ZNF366: variants seen among roughly 807,000 people sequenced by gnomAD.
The protein encoded by ZNF366 is zinc finger protein 366, also known as dendritic cell-specific transcript protein.
A neutral mutation model predicts 47.2 loss-of-function variants in ZNF366; 20 were observed. The observed-to-expected ratio is 0.42, with a 90% CI of 0.30 to 0.62. The LOEUF (loss-of-function observed/expected upper bound fraction) is 0.62. Among genes scored for constraint, ZNF366 ranks in the 20% least tolerant of loss-of-function variants. The pLI, the probability that ZNF366 is intolerant of heterozygous loss-of-function variation, is 0.16. For missense variants in ZNF366, 987 were observed against 976.3 expected, an observed-to-expected ratio of 1.01 and a Z score of -0.15; for synonymous variants, 421 against 395.1, an observed-to-expected ratio of 1.07 and a Z score of -0.78.
chr5:72,443,864 C>A lies in ZNF366; in HGVS notation c.2127G>T (p.Arg709=). 1 of 1,614,202 alleles carries A rather than the reference C, an allele frequency of 6.2e-7. No individual in the cohort carries two copies. The highest frequency in any genetic ancestry group is 8.5e-7 in the Non-Finnish European group (1 of 1,180,036). The change falls in exon 5 of 5, where the codon CGG becomes CGT. Residue 709 remains arginine, a synonymous_variant. Coordinates refer to ENST00000318442, the MANE Select transcript of ZNF366 (RefSeq NM_152625.3). ...AGTAATCAGAAAAAGAGGGGCCCCGCCGGGTACTCTGAAAAGCCCTGAGAC... is the reference window on the plus strand; with the variant it reads ...AGTAATCAGAAAAAGAGGGGCCCCGACGGGTACTCTGAAAAGCCCTGAGAC... The part of the protein sequence containing the change: ...CLSLRAFQST[R]RGPSFSDYLY...
intron 3 of ZNF366, among the ~76,000 whole-genome samples, chr5:72,452,259 AGAGG>A (rs1482348077): frequency 2.6e-5 from 4 of 152,088 alleles, no homozygotes; most frequent in Non-Finnish European, 4.4e-5. Flanking sequence ...AAAGGGAGAG[AGAGG>A]GAGGGAGGGA....
At chr5:72,503,480 A>G (rs1744255459) in intron 1 of ZNF366, among the ~76,000 whole-genome samples, 2 of 152,140 alleles carry the variant, frequency 1.3e-5, no homozygotes, top group African/African-American at 4.8e-5. Flanking sequence ...CATCCCATGA[A>G]GTGGACAGGG....
Position 72,455,450 on chromosome 5 carries a change from G to C in ZNF366, c.1524+954C>G, listed in dbSNP as rs188680322. ...AACCTCCATTTCAAACAGAAGGGCT[G>C]TAACGATATCTGAATGTGGTAATTT... On this transcript the variant is annotated intron_variant, in intron 3 of 4. Coordinates refer to ENST00000318442, the MANE Select transcript of ZNF366 (RefSeq NM_152625.3). Among the ~76,000 whole-genome samples the C allele has an allele frequency of 9.2e-5, 14 of 152,314 alleles. No individual in the cohort carries two copies. The East Asian group carries it at 2.7e-3, about 29-fold the overall frequency.
chr5:72,460,997 G>A lies in ZNF366; in HGVS notation c.500C>T (p.Thr167Ile). ...GGGGTAGGGCGTGGGCAGGAATGGA[G>A]TGGGCGTTGGCTGGGGCCACACGGC... is the stretch of plus-strand genomic sequence containing the variant. ...PSAVWPQPTP[T>I]PFLPTPYPYY... Residue 167 changes from threonine (T) to isoleucine (I), a missense_variant, in exon 2 of 5, where the codon ACT becomes ATT. This residue lies in a region of ZNF366 where 591 missense variants were observed against 560.9 expected (regional missense o/e 1.05). Coordinates refer to ENST00000318442, the MANE Select transcript of ZNF366 (RefSeq NM_152625.3). 1 of 1,614,120 alleles carries A rather than the reference G, an allele frequency of 6.2e-7. No homozygotes were observed. The highest frequency in any genetic ancestry group is 8.5e-7 in the Non-Finnish European group (1 of 1,180,038).
rs144557374 is a variant in ZNF366 at position 72,460,741 on chromosome 5, G to A, written c.756C>T (p.Arg252=). ...ACTTCTCGCAGGTGGGGCACTGCCA[G>A]CGCTTCTGCGAGCCGCCCACGTCCA... ...YYVDVGGSQK[R]WQCPTCEKSY... Residue 252 remains arginine (R), a synonymous_variant, in exon 2 of 5, where the codon CGC becomes CGT. Coordinates refer to ENST00000318442, the MANE Select transcript of ZNF366 (RefSeq NM_152625.3). 5.1e-4 allele frequency: 822 copies of A among 1,614,224 alleles called. 1 individual carries two copies. Among genetic ancestry groups the A allele is most frequent in the Non-Finnish European group, 6.3e-4 (746 of 1,180,036 alleles).
At chr5:72,476,414 C>A (rs762532357) in intron 1 of ZNF366, among the ~76,000 whole-genome samples, 2 of 152,140 alleles carry the variant, frequency 1.3e-5, no homozygotes, top group Non-Finnish European at 2.9e-5. Context: ...CAGTGAATCT[C>A]TGTTCGATGT....
chr5:72,506,437 C>T (rs970300336), intron 1 of ZNF366, among the ~76,000 whole-genome samples: 1 of 152,140 alleles, frequency 6.6e-6, no homozygotes, highest in Non-Finnish European at 1.5e-5. Context: ...GCTTGCTACG[C>T]CCTATTTGGT....
Position 72,440,391 on chromosome 5 carries a change from G to T in ZNF366, c.*3365C>A, listed in dbSNP as rs150875348. ...GAGTAATCATAGGAAAGAATAAAAAGAATAAAAGAAAAATATGCCACTTTG... is the reference window on the plus strand; with the variant it reads ...GAGTAATCATAGGAAAGAATAAAAATAATAAAAGAAAAATATGCCACTTTG... On this transcript the variant is annotated 3_prime_UTR_variant, in exon 5 of 5. Coordinates refer to ENST00000318442, the MANE Select transcript of ZNF366 (RefSeq NM_152625.3). 3 of 152,278 alleles carry T rather than the reference G, an allele frequency of 2.0e-5. No homozygotes were observed. Among genetic ancestry groups the T allele is most frequent in the African/African-American group, 7.2e-5 (3 of 41,556 alleles). The allele number at this position is 152,278 out of a possible 1,614,324, so 9.4% of individuals were successfully genotyped here.
Position 72,460,747 on chromosome 5 carries a change from C to T in ZNF366, c.750G>A (p.Gln250=). The change falls in exon 2 of 5, where the codon CAG becomes CAA. Residue 250 remains glutamine (Q), a synonymous_variant. Coordinates refer to ENST00000318442, the MANE Select transcript of ZNF366 (RefSeq NM_152625.3). ...DSYYVDVGGS[Q]KRWQCPTCEK... ...CGCAGGTGGGGCACTGCCAGCGCTTCTGCGAGCCGCCCACGTCCACGTAGT... is the reference window on the plus strand; with the variant it reads ...CGCAGGTGGGGCACTGCCAGCGCTTTTGCGAGCCGCCCACGTCCACGTAGT... 1.2e-6 allele frequency: 2 copies of T among 1,614,218 alleles called. No homozygotes were observed. The highest frequency in any genetic ancestry group is 1.7e-6 in the Non-Finnish European group (2 of 1,180,038).
At position 72,460,607 on chromosome 5, in the gene ZNF366, T is replaced by A. The variant is rs775509927; in HGVS notation, c.890A>T (p.His297Leu). Reference sequence around the variant, plus strand: ...GCCCTGGTGGGTCAGCATGTGGGTATGCAGGTGGCTGAGCTGCTTGAAGAG... The same window carrying A: ...GCCCTGGTGGGTCAGCATGTGGGTAAGCAGGTGGCTGAGCTGCTTGAAGAG... Reference protein sequence around the residue: ...GKLFKQLSHLHTHMLTHQGTR... With the variant: ...GKLFKQLSHLLTHMLTHQGTR... The change falls in exon 2 of 5, where the codon CAT (histidine) becomes CTT (leucine). Residue 297 changes from histidine (H) to leucine (L), a missense_variant. Physicochemically the swap from His to Leu is moderately conservative, Grantham distance 99. This residue lies in a region of ZNF366 where 591 missense variants were observed against 560.9 expected (regional missense o/e 1.05). Transcript: ENST00000318442. 2 of 1,614,142 alleles carry A rather than the reference T, an allele frequency of 1.2e-6. No individual in the cohort carries two copies. Among genetic ancestry groups the A allele is most frequent in the Admixed American group, 3.3e-5 (2 of 60,030 alleles).
intron 1 of ZNF366, among the ~76,000 whole-genome samples, chr5:72,471,913 T>A (rs1203627005): frequency 6.6e-6 from 1 of 152,194 alleles, no homozygotes; most frequent in Non-Finnish European, 1.5e-5. Flanking sequence ...CTTGAACTCC[T>A]GGCCTCAAGT....
Position 72,443,375 on chromosome 5 carries a change from T to C in ZNF366, c.*381A>G, listed in dbSNP as rs758438017. 2 of 168,986 alleles carry C rather than the reference T, an allele frequency of 1.2e-5. No individual in the cohort carries two copies. Among genetic ancestry groups the C allele is most frequent in the African/African-American group, 2.4e-5 (1 of 41,878 alleles). 10.5% of individuals were successfully genotyped at this position (168,986 alleles called of 1,614,324 possible). Reference sequence around the variant, plus strand: ...TTCACAAATTCACCTAAATAGTTATTAATAAGGTGACACCTCAAGCACCAT... The same window carrying C: ...TTCACAAATTCACCTAAATAGTTATCAATAAGGTGACACCTCAAGCACCAT... On this transcript the variant is annotated 3_prime_UTR_variant, in exon 5 of 5. Coordinates refer to ENST00000318442, the MANE Select transcript of ZNF366 (RefSeq NM_152625.3).
At chr5:72,468,449 C>A (rs367639667) in intron 1 of ZNF366, among the ~76,000 whole-genome samples, 18 of 152,174 alleles carry the variant, frequency 1.2e-4, no homozygotes, top group African/African-American at 3.9e-4. Flanking sequence ...CTTGTTCACA[C>A]GTGAAACAGC....
intron 4 of ZNF366, among the ~76,000 whole-genome samples, chr5:72,446,715 A>G (rs1742967932): frequency 6.6e-6 from 1 of 152,196 alleles, no homozygotes; most frequent in South Asian, 2.1e-4. Context: ...CCTGCTACCA[A>G]CATACTTCTG....
At chr5:72,458,606 A>T (rs1465336794) in intron 2 of ZNF366, among the ~76,000 whole-genome samples, 1 of 152,192 alleles carries the variant, frequency 6.6e-6, no homozygotes, top group South Asian at 2.1e-4. Context: ...GAAAAGAGGA[A>T]GTGTTCACTG....
intron 1 of ZNF366, among the ~76,000 whole-genome samples, chr5:72,466,733 A>G (rs561604522): frequency 7.2e-5 from 11 of 152,352 alleles, no homozygotes; most frequent in Admixed American, 1.3e-4. Context: ...TAGACTGTGG[A>G]TGACTTTCGA....
chr5:72,446,617 C>T (rs6874695), intron 4 of ZNF366, among the ~76,000 whole-genome samples: 124,160 of 152,134 alleles, frequency 0.82, 51,172 homozygotes, highest in East Asian at 0.97. Flanking sequence ...TAAACCCCTG[C>T]TCTGCATATG....
chr5:72,495,168 G>A (rs962328726), intron 1 of ZNF366, among the ~76,000 whole-genome samples: 2 of 152,028 alleles, frequency 1.3e-5, no homozygotes, highest in African/African-American at 2.4e-5. Flanking sequence ...AGTTCACAGT[G>A]GTAAAGAATA....
chr5:72,460,865 G>A lies in ZNF366; in HGVS notation c.632C>T (p.Pro211Leu), dbSNP rs777325728. 15 of 1,613,884 alleles carry A rather than the reference G, an allele frequency of 9.3e-6. No homozygotes were observed. The Admixed American group carries it at 1.5e-4, about 16-fold the overall frequency. Reference sequence around the variant, plus strand: ...GGGCTCGGCTTTCCGGGGCAGCAGAGGTTCCGGGGGCTGCTTGGGCAGGAA... The same window carrying A: ...GGGCTCGGCTTTCCGGGGCAGCAGAAGTTCCGGGGGCTGCTTGGGCAGGAA... The part of the protein sequence containing the change: ...HTFLPKQPPE[P>L]LLPRKAEPQE... Residue 211 changes from proline to leucine, a missense_variant, in exon 2 of 5, where the codon CCT (proline) becomes CTT (leucine). By Grantham distance (98) the Pro-to-Leu change is moderately conservative. Transcript: ENST00000318442.
Sources: allele counts gnomAD v4.1 joint callset (sites outside exome capture counted in the v4.1 genomes callset), GRCh38; gene constraint gnomAD v4.1.1; regional missense constraint gnomAD v4.1.1; transcripts MANE v1.5; gene names NCBI Gene and HGNC (gene_info 2026-07-23, HGNC 2026-07-21).